The following LRP1B variants were observed in gnomAD, a reference collection of about 807,000 sequenced individuals.
LRP1B encodes the protein LDL receptor related protein 1B.
In LRP1B, 217 loss-of-function variants were observed where a neutral mutation model predicts 556.6. The ratio of observed to expected loss-of-function variants is 0.39; its 90% CI spans 0.35 to 0.44. The LOEUF (loss-of-function observed/expected upper bound fraction) is 0.44. Ranked by LOEUF, LRP1B falls within the 20% of genes least tolerant of loss-of-function variation. LRP1B has a pLI of 1.00. For missense variants in LRP1B, 5,053 were observed against 5,620.8 expected (o/e 0.90, Z 3.23); for synonymous variants, 2,047 against 1,865.8 (o/e 1.10, Z -2.50).
At chr2:141,996,721 C>T (rs547974861) in intron 1 of LRP1B, among the ~76,000 whole-genome samples, 3 of 149,938 alleles carry the variant, frequency 2.0e-5, no homozygotes, top group South Asian at 4.3e-4. Flanking sequence ...TTTCCCCCCC[C>T]CTACAAACTA....
chr2:140,414,291 A>G (rs991531652), intron 66 of LRP1B, among the ~76,000 whole-genome samples: 1 of 152,138 alleles, frequency 6.6e-6, no homozygotes, highest in Non-Finnish European at 1.5e-5. Flanking sequence ...TTTTATCCCT[A>G]AAGGCAATTA....
Position 141,084,117 on chromosome 2 carries a change from T to C in LRP1B, c.1014-21844A>G, listed in dbSNP as rs113894010. The stretch of plus-strand genomic sequence containing the variant: ...GATAAGCAGTTCTTAGTAGAGTACC[T>C]GGCATTTGAATAAAAATCTTAGCAT... On this transcript the variant is annotated intron_variant, in intron 7 of 90. Transcript: ENST00000389484. 5.1e-4 allele frequency among the ~76,000 whole-genome samples: 78 copies of C among 152,316 alleles called. 1 individual carries two copies. Among genetic ancestry groups the C allele is most frequent in the African/African-American group, 1.9e-3 (77 of 41,578 alleles).
intron 71 of LRP1B, among the ~76,000 whole-genome samples, chr2:140,367,633 G>T (rs934952108): frequency 6.6e-6 from 1 of 151,726 alleles, no homozygotes; most frequent in Admixed American, 6.6e-5. Context: ...CAATAAAAAA[G>T]ATAGCATATG....
intron 32 of LRP1B, among the ~76,000 whole-genome samples, chr2:140,811,007 T>G (rs139515808): frequency 6.6e-6 from 1 of 152,328 alleles, no homozygotes; most frequent in African/African-American, 2.4e-5. Context: ...AGTGCTGGGA[T>G]TACAGGCGTA....
intron 35 of LRP1B, among the ~76,000 whole-genome samples, chr2:140,765,182 A>G (rs1369832872): frequency 6.6e-6 from 1 of 152,094 alleles, no homozygotes; most frequent in East Asian, 1.9e-4. Context: ...TAAACCTGGT[A>G]GCTATTATAG....
intron 15 of LRP1B, among the ~76,000 whole-genome samples, chr2:141,000,180 A>G (rs1697376486): frequency 1.3e-5 from 2 of 151,976 alleles, no homozygotes; most frequent in African/African-American, 4.8e-5. Context: ...CAGGCTCTCA[A>G]AGTGTTGGGA....
chr2:140,503,257 G>T (rs1274760262), intron 53 of LRP1B, among the ~76,000 whole-genome samples, 154 bp from the exon 54 acceptor site: 1 of 152,052 alleles, frequency 6.6e-6, no homozygotes, highest in Admixed American at 6.6e-5. Flanking sequence ...GGTTATAGTT[G>T]CAAGAGATGT....
intron 3 of LRP1B, among the ~76,000 whole-genome samples, chr2:141,383,887 CAA>C (rs766567923): frequency 6.6e-6 from 1 of 151,988 alleles, no homozygotes. Flanking sequence ...TCAAATGGTA[CAA>C]AAGTTTCAGT....
intron 2 of LRP1B, among the ~76,000 whole-genome samples, chr2:141,690,385 T>C (rs1409349334): frequency 3.7e-4 from 26 of 70,966 alleles, no homozygotes; most frequent in South Asian, 1.1e-3. Context: ...AGAAAAGGGA[T>C]TACATCTATA....
At chr2:141,543,265 T>G (rs72853556) in intron 2 of LRP1B, among the ~76,000 whole-genome samples, 102 of 151,928 alleles carry the variant, frequency 6.7e-4, no homozygotes, top group African/African-American at 2.3e-3. Context: ...TCCCAGCACA[T>G]TGGGAGGCCA....
intron 84 of LRP1B, among the ~76,000 whole-genome samples, chr2:140,277,766 T>C (rs956507020): frequency 6.6e-6 from 1 of 151,978 alleles, no homozygotes; most frequent in Non-Finnish European, 1.5e-5. Context: ...GAAACTCTCA[T>C]CTACTACTAC....
At chr2:141,184,207 G>A (rs1681134331) in intron 7 of LRP1B, among the ~76,000 whole-genome samples, 1 of 152,074 alleles carries the variant, frequency 6.6e-6, no homozygotes, top group Admixed American at 6.6e-5. Flanking sequence ...GACCTTGAAA[G>A]TAATCCAAAT....
rs1375646573 is a variant in LRP1B, at chr2:140,475,413, T to C, written c.9426-76A>G. 9.1e-6 allele frequency: 10 copies of C among 1,102,436 alleles called. No individual in the cohort carries two copies. The East Asian group carries it at 2.3e-4, about 26-fold the overall frequency. 68.3% of individuals were successfully genotyped at this position (1,102,436 alleles called of 1,614,324 possible). A position where few individuals can be genotyped will look rare whatever the true frequency, so the allele number is the denominator to read the frequency against. On this transcript the variant is annotated intron_variant, in intron 59 of 90. Coordinates refer to ENST00000389484, the MANE Select transcript of LRP1B (RefSeq NM_018557.3). ...AACAACAAACAATATATTACTTTTT[T>C]GCTCAACTGTTCCCACATTAATCTT... is the stretch of plus-strand genomic sequence containing the variant.
Position 140,547,225 on chromosome 2 carries a change from A to T in LRP1B, c.7195-5254T>A, listed in dbSNP as rs574932471. Among the ~76,000 whole-genome samples the T allele has an allele frequency of 5.9e-5, 9 of 152,246 alleles. No homozygotes were observed. The East Asian group carries it at 1.5e-3, about 26-fold the overall frequency. On this transcript the variant is annotated intron_variant, in intron 43 of 90. Coordinates refer to ENST00000389484, the MANE Select transcript of LRP1B (RefSeq NM_018557.3). ...ATTTTTTTGTACTAATTTCAGCAGGAATGGTACCAGCTTATTTTTATACAT... is the reference window on the plus strand; with the variant it reads ...ATTTTTTTGTACTAATTTCAGCAGGTATGGTACCAGCTTATTTTTATACAT...
intron 28 of LRP1B, among the ~76,000 whole-genome samples, chr2:140,850,617 A>G (rs1281181715): frequency 2.0e-5 from 3 of 152,218 alleles, no homozygotes; most frequent in Non-Finnish European, 4.4e-5. Flanking sequence ...TTGCTAAACT[A>G]CATAAACTAC....
chr2:140,422,501 A>G (rs1221278873), intron 66 of LRP1B, among the ~76,000 whole-genome samples: 1 of 152,184 alleles, frequency 6.6e-6, no homozygotes, highest in Admixed American at 6.5e-5. Context: ...GTTTCAGGGG[A>G]GAGATAGAAA....
At chr2:140,746,969 A>C (rs1315121479) in intron 35 of LRP1B, among the ~76,000 whole-genome samples, 1 of 152,122 alleles carries the variant, frequency 6.6e-6, no homozygotes, top group Admixed American at 6.6e-5. Flanking sequence ...TGTATTAAAA[A>C]AACATGGTGA....
chr2:140,928,346 G>A (rs896078195), intron 20 of LRP1B, among the ~76,000 whole-genome samples: 29 of 151,988 alleles, frequency 1.9e-4, no homozygotes, highest in African/African-American at 6.8e-4. Flanking sequence ...ATACAAAATC[G>A]CTGCATCTTA....
At chr2:140,836,473 G>A in intron 31 of LRP1B, among the ~76,000 whole-genome samples, 1 of 152,100 alleles carries the variant, frequency 6.6e-6, no homozygotes, top group East Asian at 1.9e-4. Flanking sequence ...CTAATTTCTA[G>A]ATTTCTGAAT....
Sources: gnomAD v4.1 joint callset for allele counts (sites outside exome capture counted in the v4.1 genomes callset) on GRCh38, gnomAD v4.1.1 for gene constraint, MANE v1.5 for transcripts, NCBI Gene and HGNC (gene_info 2026-07-23, HGNC 2026-07-21) for gene names.